Variants in PCDHA2 observed in about 807,000 individuals in gnomAD.
PCDHA2 encodes the protein protocadherin alpha-2.
In PCDHA2, 58 loss-of-function variants were observed where a neutral mutation model predicts 66.0. The ratio of observed to expected loss-of-function variants is 0.88; its 90% CI spans 0.71 to 1.09. PCDHA2 has a LOEUF of 1.09. Ranked by LOEUF, PCDHA2 falls within the 50% of genes least tolerant of loss-of-function variation. The probability of loss-of-function intolerance (pLI) is 0.00; values close to 1 mark genes in which losing one functional copy is unlikely to be tolerated. For missense variants in PCDHA2, 1,267 were observed against 1,242.3 expected (o/e 1.02, Z -0.30); for synonymous variants, 634 against 554.0 (o/e 1.14, Z -2.03).
At chr5:140,992,038 TG>T (rs2097488764) in intron 3 of PCDHA2, among the ~76,000 whole-genome samples, 1 of 151,828 alleles carries the variant, frequency 6.6e-6, no homozygotes, top group African/African-American at 2.4e-5. Context: ...TGTGTGTGTG[TG>T]TGTGTGTGTG....
chr5:140,836,692 T>C (rs1554136233), intron 1 of PCDHA2: 3 of 1,613,418 alleles, frequency 1.9e-6, no homozygotes, highest in Non-Finnish European at 2.5e-6. Flanking sequence ...ACAGACCTCA[T>C]GGCCTTCAGT....
intron 1 of PCDHA2, chr5:140,829,211 G>T: frequency 1.2e-6 from 2 of 1,614,206 alleles, no homozygotes; most frequent in Non-Finnish European, 1.7e-6. Context: ...CCTAATTAGC[G>T]TGAACGACCT....
chr5:140,996,217 T>C (rs2097717491), intron 3 of PCDHA2, among the ~76,000 whole-genome samples: 1 of 152,192 alleles, frequency 6.6e-6, no homozygotes, highest in South Asian at 2.1e-4. Context: ...TCACTACTTG[T>C]CTAGAAATGG....
At chr5:140,871,122 G>A (rs782184692) in intron 1 of PCDHA2, 2 of 1,613,344 alleles carry the variant, frequency 1.2e-6, no homozygotes, top group South Asian at 2.2e-5. Flanking sequence ...AGAGCGGACA[G>A]GCGCCAAAGG....
intron 1 of PCDHA2, among the ~76,000 whole-genome samples, chr5:140,827,343 T>C (rs985116670): frequency 1.3e-5 from 2 of 152,128 alleles, no homozygotes; most frequent in African/African-American, 4.8e-5. Flanking sequence ...GTGAAGTATA[T>C]GAAAAGAAAA....
chr5:140,919,307 T>C (rs567605906), intron 1 of PCDHA2, among the ~76,000 whole-genome samples: 2 of 152,348 alleles, frequency 1.3e-5, no homozygotes, highest in East Asian at 1.9e-4. Context: ...GTACAATATA[T>C]GTTTTCCCAT....
In PCDHA2 at chr5:140,871,640, A is replaced by T; in HGVS notation, c.2388+74288A>T. 6 of 1,294,228 alleles carry T rather than the reference A, an allele frequency of 4.6e-6. No homozygotes were observed. The South Asian group carries it at 9.7e-5, about 21-fold the overall frequency. 80.2% of individuals were successfully genotyped at this position (1,294,228 alleles called of 1,614,324 possible). A position where few individuals can be genotyped will look rare whatever the true frequency, so the allele number is the denominator to read the frequency against. On this transcript the variant is annotated intron_variant, in intron 1 of 3. Transcript: ENST00000526136. The stretch of plus-strand genomic sequence containing the variant: ...TTAGATAACAATGTCTGTTCATAAA[A>T]TACCAAATGATACACATCTTCAGTC...
At chr5:140,877,946 C>G in intron 1 of PCDHA2, 1 of 1,349,558 alleles carries the variant, frequency 7.4e-7, no homozygotes, top group South Asian at 1.7e-5. Context: ...TTTAAACTAT[C>G]GAATGTCTCA....
In PCDHA2 at chr5:140,849,851, A is replaced by G. The variant is rs148732691; in HGVS notation, c.2388+52499A>G. 6 of 1,598,254 alleles carry G rather than the reference A, an allele frequency of 3.8e-6. 1 individual carries two copies. The highest frequency in any genetic ancestry group is 2.2e-5 in the East Asian group (1 of 44,844). On this transcript the variant is annotated intron_variant, in intron 1 of 3. Coordinates refer to ENST00000526136, the MANE Select transcript of PCDHA2 (RefSeq NM_018905.3). ...AGGTGGCCGACGTGAACGACAACGC[A>G]CCAGCGTTCGCGCAGTCCGAGTACA...
chr5:140,795,578 C>A lies in PCDHA2; in HGVS notation c.614C>A (p.Thr205Asn). The A allele has an allele frequency of 6.2e-7, 1 of 1,614,142 alleles. No homozygotes were observed. The highest frequency in any genetic ancestry group is 8.5e-7 in the Non-Finnish European group (1 of 1,180,020). Reference protein sequence around the residue: ...VLGKSLDREETAEVNLLLVAT... With the variant: ...VLGKSLDREENAEVNLLLVAT... Reference sequence around the variant, plus strand: ...GGGAAATCGCTGGACAGAGAGGAAACTGCTGAGGTTAATTTGTTACTGGTG... The same window carrying A: ...GGGAAATCGCTGGACAGAGAGGAAAATGCTGAGGTTAATTTGTTACTGGTG... The change falls in exon 1 of 4, where the codon ACT (threonine) becomes AAT (asparagine). Residue 205 changes from threonine to asparagine, a missense_variant. By Grantham distance (65) the Thr-to-Asn change is moderately conservative. Coordinates refer to ENST00000526136, the MANE Select transcript of PCDHA2 (RefSeq NM_018905.3).
At chr5:140,881,469 T>C (rs879988017) in intron 1 of PCDHA2, 3 of 570,626 alleles carry the variant, frequency 5.3e-6, no homozygotes, top group Non-Finnish European at 6.7e-6. Context: ...AGCATTGTTG[T>C]GGCTAAATTA....
At chr5:140,812,199 AG>A (rs1349362619) in intron 1 of PCDHA2, 6 of 151,156 alleles carry the variant, frequency 4.0e-5, no homozygotes, top group Non-Finnish European at 7.4e-5. Context: ...TCTCCTTACT[AG>A]TTACAGCTTT....
intron 1 of PCDHA2, among the ~76,000 whole-genome samples, chr5:140,952,753 A>T (rs782624078): frequency 4.6e-5 from 7 of 152,194 alleles, no homozygotes; most frequent in Non-Finnish European, 1.0e-4. Context: ...CTATAAAAAC[A>T]CCTGAGACTG....
chr5:140,854,158 T>C, intron 1 of PCDHA2: 3 of 123,422 alleles, frequency 2.4e-5, no homozygotes, highest in Non-Finnish European at 3.1e-5. Flanking sequence ...AGATTCTGTC[T>C]CAAAAAAAAA....
intron 1 of PCDHA2, chr5:140,884,471 G>T (rs2060197778): frequency 1.2e-6 from 2 of 1,613,684 alleles, no homozygotes; most frequent in Admixed American, 3.3e-5. Flanking sequence ...GTGCGCGCCG[G>T]GCAAGCCCAC....
At chr5:140,955,296 G>A (rs1554221862) in intron 1 of PCDHA2, among the ~76,000 whole-genome samples, 1 of 151,904 alleles carries the variant, frequency 6.6e-6, no homozygotes, top group Admixed American at 6.6e-5. Context: ...GTTTGGCTGT[G>A]TCCCCACCCA....
At chr5:140,870,732 T>A (rs782731773) in intron 1 of PCDHA2, 10 of 1,613,288 alleles carry the variant, frequency 6.2e-6, no homozygotes, top group East Asian at 2.2e-5. Flanking sequence ...GCGTGCCGCC[T>A]CTGAGCAGCA....
chr5:140,815,806 G>T (rs1765796247), intron 1 of PCDHA2: 2 of 152,132 alleles, frequency 1.3e-5, no homozygotes, highest in South Asian at 2.1e-4. Context: ...AACTGGGAAG[G>T]TCTTTATCTC....
At chr5:140,842,005 G>A (rs1777641474) in intron 1 of PCDHA2, 2 of 1,613,756 alleles carry the variant, frequency 1.2e-6, no homozygotes, top group Non-Finnish European at 1.7e-6. Context: ...CTGTTCAGCT[G>A]CTGGTCACAG....
Sources: allele counts gnomAD v4.1 joint callset (sites outside exome capture counted in the v4.1 genomes callset), GRCh38; gene constraint gnomAD v4.1.1; transcripts MANE v1.5; gene names NCBI Gene and HGNC (gene_info 2026-07-23, HGNC 2026-07-21).